CTNNA2: variants seen among roughly 807,000 people sequenced by gnomAD.
The protein encoded by CTNNA2 is catenin alpha 2.
CTNNA2 carries 42 observed loss-of-function variants against 101.0 expected under a neutral mutation model. The ratio of observed to expected loss-of-function variants is 0.42; its 90% confidence interval spans 0.32 to 0.54. The LOEUF (loss-of-function observed/expected upper bound fraction) is 0.54, where lower values mean the gene tolerates loss of function less well. CTNNA2 is among the 20% of genes least tolerant of loss of function. CTNNA2 has a pLI of 0.14. For missense variants in CTNNA2, 871 were observed against 1,223.1 expected, an observed-to-expected ratio of 0.71 and a Z score of 4.29; for synonymous variants, 450 against 456.4, an observed-to-expected ratio of 0.99 and a Z score of 0.18.
intron 7 of CTNNA2, among the ~76,000 whole-genome samples, chr2:80,371,321 A>AT (rs1342988386): frequency 1.3e-5 from 2 of 152,186 alleles, no homozygotes; most frequent in African/African-American, 2.4e-5. Context: ...TGATTTTAAC[A>AT]TTTACCCATA....
chr2:79,780,489 G>A (rs1327992459), intron 3 of CTNNA2, among the ~76,000 whole-genome samples: 1 of 152,134 alleles, frequency 6.6e-6, no homozygotes, highest in African/African-American at 2.4e-5. Context: ...AGACCCCTCT[G>A]AGATTCTGAG....
intron 7 of CTNNA2, among the ~76,000 whole-genome samples, chr2:79,916,789 A>T (rs1382496695): frequency 6.6e-6 from 1 of 151,242 alleles, no homozygotes; most frequent in Non-Finnish European, 1.5e-5. Flanking sequence ...CGCCCAGCTA[A>T]TTTTTTGAAT....
At chr2:79,209,073 T>G (rs1350199892) in intron 2 of CTNNA2, among the ~76,000 whole-genome samples, 3 of 152,136 alleles carry the variant, frequency 2.0e-5, no homozygotes, top group East Asian at 3.9e-4. Flanking sequence ...CCCAGCACTT[T>G]GGAAGGCCGA....
intron 3 of CTNNA2, among the ~76,000 whole-genome samples, chr2:79,338,848 G>T (rs1158449394): frequency 6.6e-6 from 1 of 152,078 alleles, no homozygotes; most frequent in African/African-American, 2.4e-5. Flanking sequence ...TAGAGAGGAA[G>T]GTGTGAAAGA....
chr2:79,653,971 A>C (rs1352894527), intron 2 of CTNNA2, among the ~76,000 whole-genome samples: 1 of 152,112 alleles, frequency 6.6e-6, no homozygotes, highest in Non-Finnish European at 1.5e-5. Context: ...CTGAGGCCTC[A>C]CCAGCATCTC....
intron 9 of CTNNA2, among the ~76,000 whole-genome samples, chr2:80,489,223 C>G (rs538290792): frequency 2.0e-3 from 297 of 152,224 alleles, no homozygotes; most frequent in African/African-American, 6.9e-3. Flanking sequence ...TCTTTTAAAT[C>G]ATGTTCACAA....
At chr2:80,636,804 A>G (rs992770234) in intron 18 of CTNNA2, among the ~76,000 whole-genome samples, 1 of 152,112 alleles carries the variant, frequency 6.6e-6, no homozygotes, top group African/African-American at 2.4e-5. Flanking sequence ...ACTCTCTATT[A>G]TCAATATTCC....
At chr2:79,901,826 C>T (rs947004934) in intron 6 of CTNNA2, among the ~76,000 whole-genome samples, 1 of 152,206 alleles carries the variant, frequency 6.6e-6, no homozygotes, top group Admixed American at 6.5e-5. Flanking sequence ...TTCCTACTGA[C>T]TTAACTGTAA....
At chr2:79,464,125 C>CCTCCCA (rs1227027770) in intron 4 of CTNNA2, among the ~76,000 whole-genome samples, 1 of 151,964 alleles carries the variant, frequency 6.6e-6, no homozygotes, top group African/African-American at 2.4e-5. Flanking sequence ...CTAATGCTAT[C>CCTCCCA]CTCCCACTCC....
chr2:79,313,885 C>T (rs1473242592), intron 3 of CTNNA2, among the ~76,000 whole-genome samples: 1 of 152,098 alleles, frequency 6.6e-6, no homozygotes, highest in African/African-American at 2.4e-5. Flanking sequence ...GAAAGGAACT[C>T]TCCTCATATG....
intron 9 of CTNNA2, among the ~76,000 whole-genome samples, chr2:80,424,569 G>A (rs990033255): frequency 1.3e-5 from 2 of 152,282 alleles, no homozygotes; most frequent in Non-Finnish European, 1.5e-5. Context: ...CTGTTGGGCA[G>A]CAGAGAGGCA....
chr2:79,366,200 A>G (rs912795200), intron 3 of CTNNA2, among the ~76,000 whole-genome samples: 1 of 152,260 alleles, frequency 6.6e-6, no homozygotes, highest in African/African-American at 2.4e-5. Flanking sequence ...AGCTTACCTA[A>G]GAGCTATGCA....
rs190417852 is a variant in CTNNA2 at position 80,406,785 on chromosome 2, C to T, written c.1138-12664C>T. ...GAGCTTGCAGTGAGCCAAGATTGGGCCACTGCACTCCAGCCTGGGCGACAG... is the reference window on the plus strand; with the variant it reads ...GAGCTTGCAGTGAGCCAAGATTGGGTCACTGCACTCCAGCCTGGGCGACAG... On this transcript the variant is annotated intron_variant, in intron 8 of 18. Coordinates refer to ENST00000402739, the MANE Select transcript of CTNNA2 (RefSeq NM_001282597.3). Among the ~76,000 whole-genome samples the T allele has an allele frequency of 5.2e-3, 764 of 147,612 alleles. 10 individuals are homozygous for T. The highest frequency in any genetic ancestry group is 6.2e-3 in the Non-Finnish European group (420 of 67,282).
At chr2:80,149,499 C>T (rs2148925211) in intron 7 of CTNNA2, among the ~76,000 whole-genome samples, 1 of 152,246 alleles carries the variant, frequency 6.6e-6, no homozygotes, top group South Asian at 2.1e-4. Flanking sequence ...TCACTACAGC[C>T]AATTACAGTT....
intron 7 of CTNNA2, among the ~76,000 whole-genome samples, chr2:80,109,556 A>G (rs966614610): frequency 6.6e-6 from 1 of 152,182 alleles, no homozygotes; most frequent in African/African-American, 2.4e-5. Flanking sequence ...GACCAGCACT[A>G]CATTGTCACT....
chr2:80,134,889 C>G (rs1702606892), intron 7 of CTNNA2, among the ~76,000 whole-genome samples: 1 of 152,184 alleles, frequency 6.6e-6, no homozygotes, highest in Non-Finnish European at 1.5e-5. Flanking sequence ...CTAATTATAA[C>G]ACAATTCAAA....
At chr2:79,234,537 T>A (rs1464798552) in intron 2 of CTNNA2, among the ~76,000 whole-genome samples, 1 of 152,164 alleles carries the variant, frequency 6.6e-6, no homozygotes, top group Admixed American at 6.5e-5. Context: ...TTTTGTAGTA[T>A]CTTTCAGGAG....
rs933029329 is a variant in CTNNA2, at chr2:79,285,030, T to C, written c.-405-27679T>C. 2.5e-3 allele frequency among the ~76,000 whole-genome samples: 337 copies of C among 134,974 alleles called. 4 individuals carry two copies. Among genetic ancestry groups the C allele is most frequent in the Non-Finnish European group, 4.0e-3 (251 of 63,026 alleles). The allele number at this position is 134,974 out of a possible 152,430, so 88.5% of individuals were successfully genotyped here. ...AGGAATTTATCCATTTCTTCTAGAT[T>C]TTCTAGTTTATTTGCGTAGAGGTGT... On this transcript the variant is annotated intron_variant, in intron 2 of 21. Coordinates refer to the CTNNA2 transcript ENST00000466387.
intron 1 of CTNNA2, among the ~76,000 whole-genome samples, chr2:79,572,641 A>G (rs1675528790): frequency 6.6e-6 from 1 of 152,296 alleles, no homozygotes; most frequent in East Asian, 1.9e-4. Flanking sequence ...AGTCCCAGCT[A>G]TTCAGGAGCC....
Sources: gnomAD v4.1 joint callset for allele counts (sites outside exome capture counted in the v4.1 genomes callset) on GRCh38, gnomAD v4.1.1 for gene constraint, MANE v1.5 for transcripts, NCBI Gene and HGNC (gene_info 2026-07-23, HGNC 2026-07-21) for gene names.